The following FAIM2 variants were observed in gnomAD, a reference collection of about 807,000 sequenced individuals.
The protein encoded by FAIM2 is protein lifeguard 2.
A neutral mutation model predicts 47.4 loss-of-function variants in FAIM2; 27 were observed. The observed-to-expected ratio is 0.57, with a 90% CI of 0.42 to 0.78. The LOEUF is 0.78. FAIM2 is among the 30% of genes least tolerant of loss of function. FAIM2 has a pLI of 0.00. For synonymous variants in FAIM2, 156 were observed against 159.3 expected (o/e 0.98, Z 0.16); for missense variants, 311 against 389.4 (o/e 0.80, Z 1.69).
At chr12:49,892,835 G>A (rs1190871086) in intron 5 of FAIM2, among the ~76,000 whole-genome samples, 1 of 152,186 alleles carries the variant, frequency 6.6e-6, no homozygotes, top group South Asian at 2.1e-4. Flanking sequence ...TCAGACACAA[G>A]TAATGTTCAA....
At position 49,879,216 on chromosome 12, in the gene FAIM2, ATGTGCATGTG is replaced by A. The variant is rs1325663244; in HGVS notation, c.801+8160_801+8169del. Among the ~76,000 whole-genome samples the A allele has an allele frequency of 4.5e-3, 307 of 67,696 alleles. 46 individuals are homozygous for A. The South Asian group carries it at 0.046, about 10-fold the overall frequency. 44.4% of individuals were successfully genotyped at this position (67,696 alleles called of 152,430 possible). A position where few individuals can be genotyped will look rare whatever the true frequency, so the allele number is the denominator to read the frequency against. Reference sequence around the variant, plus strand: ...TGTGTATGTATGTGTATGAGTGTGTATGTGCATGTGTGTATGTATGCATGCATGTGTGTGC... The same window carrying A: ...TGTGTATGTATGTGTATGAGTGTGTATGTATGTATGCATGCATGTGTGTGC... On this transcript the variant is annotated intron_variant, in intron 11 of 11. Transcript: ENST00000320634.
At chr12:49,880,330 G>C (rs980713773) in intron 11 of FAIM2, among the ~76,000 whole-genome samples, 2 of 151,826 alleles carry the variant, frequency 1.3e-5, no homozygotes, top group Non-Finnish European at 2.9e-5. Flanking sequence ...ATGTGTGTCT[G>C]TGTGCATGTT....
At chr12:49,878,348 G>GGGCA (rs1946758320) in intron 11 of FAIM2, among the ~76,000 whole-genome samples, 1 of 113,040 alleles carries the variant, frequency 8.8e-6, no homozygotes, top group African/African-American at 3.4e-5. Flanking sequence ...GAGTGTATGT[G>GGGCA]TGTGCATGTG....
chr12:49,886,924 C>G (rs367741528), intron 11 of FAIM2, among the ~76,000 whole-genome samples: 8 of 152,288 alleles, frequency 5.3e-5, no homozygotes, highest in East Asian at 1.9e-4. Context: ...CATCAACATT[C>G]TCAGTTTCGT....
chr12:49,890,266 T>C (rs1054240543), intron 7 of FAIM2, 112 bp from the exon 8 acceptor site: 12 of 923,034 alleles, frequency 1.3e-5, no homozygotes, highest in Non-Finnish European at 1.9e-5. Context: ...CAACTCTTTG[T>C]CTATGTCACC....
In FAIM2 at chr12:49,874,755, A is replaced by G. The variant is rs1946724586; in HGVS notation, c.802-4102T>C. On this transcript the variant is annotated intron_variant, in intron 11 of 11. Transcript: ENST00000320634. The surrounding 1 kb of genome is among the most constrained non-coding windows in gnomAD (Gnocchi z 4.2). ...CGTGGACTGTGTCTGTCCTGCATAA[A>G]TGCCAGTGTGAGGGCGTGTGGAGGC... Among the ~76,000 whole-genome samples the G allele has an allele frequency of 6.6e-6, 1 of 152,236 alleles. No homozygotes were observed. The highest frequency in any genetic ancestry group is 6.5e-5 in the Admixed American group (1 of 15,284).
chr12:49,892,418 C>A (rs555673324), intron 5 of FAIM2, among the ~76,000 whole-genome samples: 1 of 152,290 alleles, frequency 6.6e-6, no homozygotes, highest in East Asian at 1.9e-4. Context: ...AAAAAGTGGT[C>A]TCCATTCACC....
intron 3 of FAIM2, among the ~76,000 whole-genome samples, 183 bp from the exon 4 acceptor site, chr12:49,897,766 C>CA (rs199784497): frequency 4.0e-5 from 6 of 151,492 alleles, no homozygotes; most frequent in South Asian, 2.1e-4. Flanking sequence ...CCAAGCGCAC[C>CA]CCCCCCCAGC....
chr12:49,878,117 G>T (rs111068136), intron 11 of FAIM2, among the ~76,000 whole-genome samples: 8,134 of 96,562 alleles, frequency 0.084, 1,372 homozygotes, highest in African/African-American at 0.27. Context: ...TGTGTATGTG[G>T]GTATGTGTGC....
At chr12:49,880,461 T>TGC (rs1232217663) in intron 11 of FAIM2, among the ~76,000 whole-genome samples, 2 of 147,252 alleles carry the variant, frequency 1.4e-5, no homozygotes, top group Non-Finnish European at 3.1e-5. Context: ...CATGTGTATG[T>TGC]GTGTGTGCAT....
intron 11 of FAIM2, among the ~76,000 whole-genome samples, chr12:49,876,232 T>C (rs1946735590): frequency 6.6e-6 from 1 of 152,176 alleles, no homozygotes; most frequent in Non-Finnish European, 1.5e-5. Context: ...TTTACATATA[T>C]GAATGCATCC....
At chr12:49,883,022 GAGAGAGGGCTGTGAGC>G (rs1946836566) in intron 11 of FAIM2, among the ~76,000 whole-genome samples, 1 of 152,190 alleles carries the variant, frequency 6.6e-6, no homozygotes, top group Non-Finnish European at 1.5e-5. Context: ...TGAAGGATGG[GAGAGAGGGCTGTGAGC>G]AGATCCTAAG....
Position 49,878,987 on chromosome 12 carries a change from TGA to T in FAIM2, c.802-8336_802-8335del, listed in dbSNP as rs775499957. On this transcript the variant is annotated intron_variant, in intron 11 of 11. Coordinates refer to ENST00000320634, the MANE Select transcript of FAIM2 (RefSeq NM_012306.4). Reference sequence around the variant, plus strand: ...GTGCGTATGTGTATATGTATGCATATGAGTGTATCTGTGTATGTGCATGTGTG... The same window carrying T: ...GTGCGTATGTGTATATGTATGCATATGTGTATCTGTGTATGTGCATGTGTG... Among the ~76,000 whole-genome samples, 5 of 136,144 alleles carry T rather than the reference TGA, an allele frequency of 3.7e-5. 2 individuals are homozygous for T. The highest frequency in any genetic ancestry group is 5.0e-4 in the South Asian group (2 of 4,008). 89.3% of individuals were successfully genotyped at this position (136,144 alleles called of 152,430 possible).
At chr12:49,884,088 G>C (rs1289306786) in intron 11 of FAIM2, among the ~76,000 whole-genome samples, 1 of 152,164 alleles carries the variant, frequency 6.6e-6, no homozygotes, top group Non-Finnish European at 1.5e-5. Flanking sequence ...GCCAGGCATG[G>C]TGGTGCATGC....
intron 5 of FAIM2, among the ~76,000 whole-genome samples, chr12:49,893,705 G>A (rs997099767): frequency 6.6e-6 from 1 of 152,140 alleles, no homozygotes; most frequent in Non-Finnish European, 1.5e-5. Flanking sequence ...AAATAATGAG[G>A]AACTGTTGTC....
At chr12:49,876,720 C>T (rs1449285072) in intron 11 of FAIM2, among the ~76,000 whole-genome samples, 1 of 151,858 alleles carries the variant, frequency 6.6e-6, no homozygotes, top group East Asian at 1.9e-4. Flanking sequence ...TGCAGTGAGC[C>T]GAGATTGAGC....
Position 49,886,449 on chromosome 12 carries a change from C to A in FAIM2, c.801+937G>T, listed in dbSNP as rs534456272. 2.0e-5 allele frequency among the ~76,000 whole-genome samples: 3 copies of A among 152,232 alleles called. No individual in the cohort carries two copies. In the East Asian group the frequency reaches 5.8e-4, roughly 29 times the overall value. ...GGGCATGTTATTTGATATCTCTGAG[C>A]TTCAGTTTCCCCATCTTAATTTATT... On this transcript the variant is annotated intron_variant, in intron 11 of 11. Transcript: ENST00000320634.
In FAIM2 at chr12:49,878,611, T is replaced by TATGTGTGCATGTGC. The variant is rs1565613398; in HGVS notation, c.802-7959_802-7958insGCACATGCACACAT. ...ATGTGTATGTGTATGTGTGCATGTG[T>TATGTGTGCATGTGC]ATGTGTGCATATGTGTATGTATGTG... is the stretch of plus-strand genomic sequence containing the variant. On this transcript the variant is annotated intron_variant, in intron 11 of 11. Coordinates refer to ENST00000320634, the MANE Select transcript of FAIM2 (RefSeq NM_012306.4). Among the ~76,000 whole-genome samples the TATGTGTGCATGTGC allele has an allele frequency of 1.2e-4, 13 of 105,324 alleles. 2 individuals are homozygous for TATGTGTGCATGTGC. The highest frequency in any genetic ancestry group is 3.4e-4 in the African/African-American group (11 of 32,114). 69.1% of individuals were successfully genotyped at this position (105,324 alleles called of 152,430 possible). A position where few individuals can be genotyped will look rare whatever the true frequency, so the allele number is the denominator to read the frequency against.
At chr12:49,871,377 C>T (rs1021832014) in intron 11 of FAIM2, among the ~76,000 whole-genome samples, 18 of 152,148 alleles carry the variant, frequency 1.2e-4, no homozygotes, top group African/African-American at 4.1e-4. Flanking sequence ...AGGCTCTTCC[C>T]TGGGGCCCTG....
Sources: allele counts gnomAD v4.1 joint callset (sites outside exome capture counted in the v4.1 genomes callset), GRCh38; gene constraint gnomAD v4.1.1; non-coding constraint Gnocchi (gnomAD v3.1); transcripts MANE v1.5; gene names NCBI Gene and HGNC (gene_info 2026-07-23, HGNC 2026-07-21).